TMA16: variants seen among roughly 807,000 people sequenced by gnomAD.
The protein encoded by TMA16 is translation machinery-associated protein 16.
A neutral mutation model predicts 27.1 loss-of-function variants in TMA16; 26 were observed. The observed-to-expected ratio is 0.96, with a 90% confidence interval of 0.70 to 1.33. TMA16 has a LOEUF of 1.33. TMA16 is among the 40% of genes most tolerant of loss of function. The pLI is 0.00. For synonymous variants in TMA16, 71 were observed against 81.9 expected, an observed-to-expected ratio of 0.87 and a Z score of 0.72; for missense variants, 233 against 241.4, an observed-to-expected ratio of 0.97 and a Z score of 0.23.
Position 163,500,133 on chromosome 4 carries a change from C to T in TMA16, c.3+5329C>T, listed in dbSNP as rs924914690. Reference sequence around the variant, plus strand: ...GTACATTTGGAGATCCCAAAACTGACTTATGAAGGCTTATAAATGAAATAT... The same window carrying T: ...GTACATTTGGAGATCCCAAAACTGATTTATGAAGGCTTATAAATGAAATAT... On this transcript the variant is annotated intron_variant, in intron 1 of 6. Coordinates refer to ENST00000358572, the MANE Select transcript of TMA16 (RefSeq NM_018352.3). 2.0e-5 allele frequency among the ~76,000 whole-genome samples: 3 copies of T among 151,786 alleles called. No individual in the cohort carries two copies. In the South Asian group the frequency reaches 6.2e-4, roughly 31 times the overall value.
chr4:163,512,636 A>G, intron 2 of TMA16, 186 bp from the exon 3 acceptor site: 1 of 490,616 alleles, frequency 2.0e-6, no homozygotes, highest in Non-Finnish European at 3.7e-6. Context: ...TTCTGATAAA[A>G]TTCTAGTGAT....
At position 163,514,117 on chromosome 4, in the gene TMA16, A is replaced by G. The variant is rs1393172732; in HGVS notation, c.198A>G (p.Lys66=). ...TTCAAAATCATCTTGATCCCCAAAA[A>G]AAGAGATATTCAAAGAAAGATGCTT... is the stretch of plus-strand genomic sequence containing the variant. ...QWFQNHLDPQ[K]KRYSKKDACE... is the part of the protein sequence containing the mutation. The change falls in exon 4 of 7, where the codon AAA becomes AAG. Residue 66 remains lysine, a synonymous_variant. Coordinates refer to ENST00000358572, the MANE Select transcript of TMA16 (RefSeq NM_018352.3). 3.7e-6 allele frequency: 6 copies of G among 1,610,386 alleles called. No individual in the cohort carries two copies. The highest frequency in any genetic ancestry group is 1.3e-5 in the African/African-American group (1 of 74,722).
At chr4:163,510,572 T>G (rs1737779170) in intron 2 of TMA16, among the ~76,000 whole-genome samples, 1 of 152,228 alleles carries the variant, frequency 6.6e-6, no homozygotes. Context: ...TGTTCTTTCC[T>G]TTTATTGGGA....
intron 2 of TMA16, among the ~76,000 whole-genome samples, chr4:163,511,365 T>C (rs954448592): frequency 1.3e-5 from 2 of 152,192 alleles, no homozygotes; most frequent in South Asian, 2.1e-4. Flanking sequence ...TTGTGTTTTC[T>C]TGATGGAGAA....
At chr4:163,516,882 G>A (rs572964474) in intron 5 of TMA16, among the ~76,000 whole-genome samples, 8 of 152,008 alleles carry the variant, frequency 5.3e-5, no homozygotes, top group East Asian at 1.9e-4. Context: ...TACTTTTCAC[G>A]AAGAAAAAAT....
rs3207213 is a variant in TMA16, at chr4:163,520,376, A to T, written c.*862A>T. On this transcript the variant is annotated 3_prime_UTR_variant, in exon 7 of 7. Coordinates refer to ENST00000358572, the MANE Select transcript of TMA16 (RefSeq NM_018352.3). ...ATGTAAGTATCCTTATTTTTTTTTT[A>T]AAAGAGCACAATGTAGGTGTATTTG... 0.039 allele frequency: 6,191 copies of T among 158,866 alleles called. 190 individuals are homozygous for T. Among genetic ancestry groups the T allele is most frequent in the Non-Finnish European group, 0.062 (4,591 of 73,666 alleles). The allele number at this position is 158,866 out of a possible 1,614,324, so 9.8% of individuals were successfully genotyped here. A position where few individuals can be genotyped will look rare whatever the true frequency, so the allele number is the denominator to read the frequency against.
At chr4:163,502,205 T>C (rs1422203579) in intron 1 of TMA16, among the ~76,000 whole-genome samples, 2 of 152,180 alleles carry the variant, frequency 1.3e-5, no homozygotes, top group Admixed American at 6.5e-5. Context: ...GAAGATAAAA[T>C]TAAAGTCTGC....
chr4:163,520,222 G>C lies in TMA16; in HGVS notation c.*708G>C, dbSNP rs1737951118. On this transcript the variant is annotated 3_prime_UTR_variant, in exon 7 of 7. Coordinates refer to ENST00000358572, the MANE Select transcript of TMA16 (RefSeq NM_018352.3). ...GAGGTAGGTTTTATTTGTGGAGAGA[G>C]AGTTGAAGATTAGGGAACCAGTGAT... The C allele has an allele frequency of 7.4e-6, 2 of 270,660 alleles. No individual in the cohort carries two copies. Among genetic ancestry groups the C allele is most frequent in the Admixed American group, 5.5e-5 (1 of 18,188 alleles). 16.8% of individuals were successfully genotyped at this position (270,660 alleles called of 1,614,324 possible).
chr4:163,500,793 A>T (rs1032212461), intron 1 of TMA16, among the ~76,000 whole-genome samples: 2 of 152,218 alleles, frequency 1.3e-5, no homozygotes, highest in African/African-American at 4.8e-5. Flanking sequence ...TGTCAAACTG[A>T]TTTAGCTACA....
At chr4:163,513,561 T>G (rs1737828446) in intron 3 of TMA16, among the ~76,000 whole-genome samples, 1 of 152,180 alleles carries the variant, frequency 6.6e-6, no homozygotes, top group African/African-American at 2.4e-5. Context: ...TGGCAGCTCT[T>G]ATATGCTTAA....
At chr4:163,517,498 C>T (rs747365709) in intron 6 of TMA16, 22 bp downstream of exon 6, 28 of 1,607,972 alleles carry the variant, frequency 1.7e-5, no homozygotes, top group Non-Finnish European at 2.4e-5. Context: ...TTGTATTGTT[C>T]CCCTGAAGCT....
In TMA16 at chr4:163,519,655, G is replaced by T; in HGVS notation, c.*141G>T. Reference sequence around the variant, plus strand: ...AGAGTTTCATTTGCGTTTCAAAAATGGTGTTATGATACTTATTTTAAAATG... The same window carrying T: ...AGAGTTTCATTTGCGTTTCAAAAATTGTGTTATGATACTTATTTTAAAATG... On this transcript the variant is annotated 3_prime_UTR_variant, in exon 7 of 7. Coordinates refer to ENST00000358572, the MANE Select transcript of TMA16 (RefSeq NM_018352.3). The T allele has an allele frequency of 1.2e-6, 1 of 816,126 alleles. No individual in the cohort carries two copies. Among genetic ancestry groups the T allele is most frequent in the Non-Finnish European group, 1.8e-6 (1 of 546,920 alleles). The allele number at this position is 816,126 out of a possible 1,614,324, so 50.6% of individuals were successfully genotyped here.
chr4:163,500,377 A>G (rs925172094), intron 1 of TMA16, among the ~76,000 whole-genome samples: 1 of 151,924 alleles, frequency 6.6e-6, no homozygotes, highest in East Asian at 1.9e-4. Flanking sequence ...CGCCTGGCTA[A>G]TTTTTGTATT....
At chr4:163,495,390 A>C (rs1014796954) in intron 1 of TMA16, among the ~76,000 whole-genome samples, 2 of 152,248 alleles carry the variant, frequency 1.3e-5, no homozygotes, top group Non-Finnish European at 2.9e-5. Flanking sequence ...TCGTTTACCC[A>C]TTTTGTAGTT....
chr4:163,504,870 G>A (rs1033983194), intron 1 of TMA16, among the ~76,000 whole-genome samples: 1 of 152,114 alleles, frequency 6.6e-6, no homozygotes, highest in African/African-American at 2.4e-5. Context: ...GCTCCTCGTG[G>A]ACTGTTGAAC....
intron 2 of TMA16, among the ~76,000 whole-genome samples, chr4:163,507,559 G>A (rs190457546): frequency 1.9e-4 from 29 of 152,220 alleles, no homozygotes; most frequent in Non-Finnish European, 4.0e-4. Context: ...GATATGTTGA[G>A]TCTAGTGTTC....
chr4:163,501,311 C>CA (rs1254459605), intron 1 of TMA16, among the ~76,000 whole-genome samples: 1 of 152,080 alleles, frequency 6.6e-6, no homozygotes, highest in Non-Finnish European at 1.5e-5. Context: ...GAGTTTAAAC[C>CA]ACGCTACTTC....
intron 4 of TMA16, 110 bp from the exon 5 acceptor site, chr4:163,515,203 C>A: frequency 8.9e-7 from 1 of 1,123,536 alleles, no homozygotes; most frequent in Non-Finnish European, 1.2e-6. Flanking sequence ...CTCAGAGAAA[C>A]ATAAACATTT....
Position 163,520,167 on chromosome 4 carries a change from A to G in TMA16, c.*653A>G, listed in dbSNP as rs1737950426. 1 of 342,386 alleles carries G rather than the reference A, an allele frequency of 2.9e-6. No homozygotes were observed. Among genetic ancestry groups the G allele is most frequent in the African/African-American group, 2.1e-5 (1 of 46,652 alleles). 21.2% of individuals were successfully genotyped at this position (342,386 alleles called of 1,614,324 possible). On this transcript the variant is annotated 3_prime_UTR_variant, in exon 7 of 7. Transcript: ENST00000358572. ...TTTCAGTTTAGCTCCTTTTGATTGT[A>G]TATTATTTTTTGCTTTTTTATTGTG...
Sources: allele counts gnomAD v4.1 joint callset (sites outside exome capture counted in the v4.1 genomes callset), GRCh38; gene constraint gnomAD v4.1.1; transcripts MANE v1.5; gene names NCBI Gene and HGNC (gene_info 2026-07-23, HGNC 2026-07-21).